Variants in MYT1L observed in about 807,000 individuals in gnomAD.
The protein encoded by MYT1L is myelin transcription factor 1-like protein.
A neutral mutation model predicts 126.7 loss-of-function variants in MYT1L; 12 were observed. That is an observed-to-expected ratio of 0.09 (90% CI 0.06 to 0.15). The LOEUF is 0.15. Ranked by LOEUF, MYT1L falls within the 10% of genes least tolerant of loss-of-function variation. The probability of loss-of-function intolerance (pLI) is 1.00; values close to 1 mark genes in which losing one functional copy is unlikely to be tolerated. For missense variants in MYT1L, 979 were observed against 1,585.2 expected (o/e 0.62, Z 6.49); for synonymous variants, 541 against 604.2 (o/e 0.90, Z 1.53).
At chr2:1,928,159 C>T (rs1231529660) in intron 9 of MYT1L, among the ~76,000 whole-genome samples, 1 of 152,168 alleles carries the variant, frequency 6.6e-6, no homozygotes, top group Non-Finnish European at 1.5e-5. Flanking sequence ...CACTGTGTTG[C>T]CCAGGCTCGT....
intron 4 of MYT1L, among the ~76,000 whole-genome samples, chr2:2,022,438 T>G (rs1303806264): frequency 6.6e-6 from 1 of 152,338 alleles, no homozygotes; most frequent in African/African-American, 2.4e-5. Flanking sequence ...GCATTAATTT[T>G]AGGTATTTTT....
At chr2:1,937,194 T>C (rs2056008159) in intron 9 of MYT1L, among the ~76,000 whole-genome samples, 1 of 152,208 alleles carries the variant, frequency 6.6e-6, no homozygotes. Flanking sequence ...CCCTGCTTCC[T>C]GTTCGACTCC....
intron 3 of MYT1L, among the ~76,000 whole-genome samples, chr2:2,114,151 G>A (rs932470408): frequency 1.3e-5 from 2 of 152,206 alleles, no homozygotes; most frequent in Non-Finnish European, 2.9e-5. Context: ...AGAGTAATAC[G>A]CCCAGTCATG....
At chr2:2,062,031 A>T (rs1411646180) in intron 3 of MYT1L, among the ~76,000 whole-genome samples, 1 of 152,194 alleles carries the variant, frequency 6.6e-6, no homozygotes, top group Non-Finnish European at 1.5e-5. Flanking sequence ...GCGGTTTCCC[A>T]TCATGAAGCA....
intron 9 of MYT1L, among the ~76,000 whole-genome samples, chr2:1,941,887 A>T (rs770726180): frequency 6.6e-6 from 1 of 152,052 alleles, no homozygotes; most frequent in Non-Finnish European, 1.5e-5. Context: ...CCTAGTACAA[A>T]CTCCTCTGAC....
intron 3 of MYT1L, among the ~76,000 whole-genome samples, chr2:2,122,897 T>C (rs1398308918): frequency 7.0e-6 from 1 of 142,256 alleles, no homozygotes; most frequent in Admixed American, 6.9e-5. Flanking sequence ...GAGAGACCAA[T>C]GAGTAGAAGA....
intron 19 of MYT1L, among the ~76,000 whole-genome samples, chr2:1,843,708 T>C (rs145286730): frequency 2.4e-4 from 36 of 152,176 alleles, no homozygotes; most frequent in African/African-American, 8.7e-4. Context: ...TCCCCAGATG[T>C]AGGATTGCTG....
chr2:2,071,610 A>G (rs2074609561), intron 3 of MYT1L, among the ~76,000 whole-genome samples: 1 of 152,244 alleles, frequency 6.6e-6, no homozygotes, highest in African/African-American at 2.4e-5. Context: ...ACACTGAGAC[A>G]TAAGAGGAAA....
chr2:2,040,111 T>C (rs571162983), intron 4 of MYT1L, among the ~76,000 whole-genome samples: 1 of 152,312 alleles, frequency 6.6e-6, no homozygotes, highest in Non-Finnish European at 1.5e-5. Context: ...GCTGGCGATA[T>C]GTGTCAGGGC....
intron 1 of MYT1L, among the ~76,000 whole-genome samples, chr2:2,318,017 G>T (rs140028965): frequency 6.6e-6 from 1 of 152,174 alleles, no homozygotes; most frequent in East Asian, 1.9e-4. Flanking sequence ...TGTGAAAATC[G>T]TTTACTGATT....
chr2:2,197,598 G>A (rs2092863038), intron 2 of MYT1L, among the ~76,000 whole-genome samples: 1 of 145,752 alleles, frequency 6.9e-6, no homozygotes, highest in South Asian at 2.2e-4. Flanking sequence ...GCAGATATAT[G>A]TAACATATAC....
chr2:1,899,118 GAC>G (rs35842614), intron 14 of MYT1L, among the ~76,000 whole-genome samples: 21,167 of 152,232 alleles, frequency 0.14, 1,749 homozygotes, highest in East Asian at 0.3. Context: ...GTTGCCTGGA[GAC>G]ACAGCAAAGG....
chr2:1,942,055 G>C (rs1367872531), intron 9 of MYT1L, among the ~76,000 whole-genome samples: 1 of 152,116 alleles, frequency 6.6e-6, no homozygotes, highest in African/African-American at 2.4e-5. Flanking sequence ...AAGAACTTTT[G>C]AGCCCAAGGG....
chr2:2,311,989 A>G (rs1019441708), intron 1 of MYT1L, among the ~76,000 whole-genome samples: 3 of 152,202 alleles, frequency 2.0e-5, no homozygotes, highest in African/African-American at 7.2e-5. Flanking sequence ...TGTAGGTCAC[A>G]TTGTGTGTGC....
intron 2 of MYT1L, among the ~76,000 whole-genome samples, chr2:2,241,495 T>C (rs1371719209): frequency 2.0e-5 from 3 of 152,222 alleles, no homozygotes; most frequent in African/African-American, 7.2e-5. Flanking sequence ...ATTGCGGCCC[T>C]GCAGAAAACT....
At chr2:2,078,412 C>T (rs1436642475) in intron 3 of MYT1L, among the ~76,000 whole-genome samples, 3 of 152,018 alleles carry the variant, frequency 2.0e-5, no homozygotes, top group African/African-American at 7.2e-5. Context: ...AACAAACAAA[C>T]AAACATGATT....
intron 18 of MYT1L, among the ~76,000 whole-genome samples, chr2:1,859,431 G>C (rs192690313): frequency 1.3e-5 from 2 of 152,194 alleles, no homozygotes; most frequent in East Asian, 3.9e-4. Context: ...TGAGATTTTG[G>C]AATGGGCTAG....
chr2:2,260,608 T>C (rs922334364), intron 2 of MYT1L, among the ~76,000 whole-genome samples: 10 of 152,200 alleles, frequency 6.6e-5, no homozygotes, highest in African/African-American at 2.4e-4. Flanking sequence ...GACCTTTCTG[T>C]TTTACGTATT....
intron 4 of MYT1L, among the ~76,000 whole-genome samples, chr2:2,045,148 T>A (rs1426615864): frequency 1.3e-5 from 2 of 152,208 alleles, no homozygotes; most frequent in Admixed American, 6.5e-5. Context: ...AAGAAAACTG[T>A]GTTTTTCTCA....
Sources: allele counts gnomAD v4.1 joint callset (sites outside exome capture counted in the v4.1 genomes callset), GRCh38; gene constraint gnomAD v4.1.1; transcripts MANE v1.5; gene names NCBI Gene and HGNC (gene_info 2026-07-23, HGNC 2026-07-21).